CES3: variants seen among roughly 807,000 people sequenced by gnomAD.
CES3 encodes the protein carboxylesterase 3 (brain).
In CES3, 49 loss-of-function variants were observed where a neutral mutation model predicts 57.6. That is an observed-to-expected ratio of 0.85 (90% CI 0.68 to 1.08). The LOEUF is 1.08. CES3 is among the 50% of genes least tolerant of loss of function. The pLI, the probability that CES3 is intolerant of heterozygous loss-of-function variation, is 0.00. For synonymous variants in CES3, 266 were observed against 281.6 expected, an observed-to-expected ratio of 0.94 and a Z score of 0.55; for missense variants, 645 against 742.0, an observed-to-expected ratio of 0.87 and a Z score of 1.52.
rs61742964 is a variant in CES3, at chr16:66,964,367, G to C, written c.571G>C (p.Glu191Gln). Residue 191 changes from glutamate to glutamine, a missense_variant, in exon 5 of 13, where the codon GAG (glutamate) becomes CAG (glutamine). Glu to Gln is a conservative substitution (Grantham distance 29). Transcript: ENST00000303334. ...CAACACTGCCCCCAGCACTGGAGAT[G>C]AGCATGCACCTGGCAACCAGGGCTT... ...GVLGFFSTGDEHAPGNQGFLD... is the reference protein window; with the variant it reads ...GVLGFFSTGDQHAPGNQGFLD... 7.4e-6 allele frequency: 12 copies of C among 1,613,722 alleles called. No individual in the cohort carries two copies. Among genetic ancestry groups the C allele is most frequent in the Non-Finnish European group, 1.0e-5 (12 of 1,179,998 alleles).
rs780889689 is a variant in CES3, at chr16:66,972,344, C to G, written c.1292-12C>G. 2 of 1,578,548 alleles carry G rather than the reference C, an allele frequency of 1.3e-6. No individual in the cohort carries two copies. Among genetic ancestry groups the G allele is most frequent in the Admixed American group, 3.6e-5 (2 of 54,848 alleles). On this transcript the variant is annotated splice_polypyrimidine_tract_variant and intron_variant, in intron 10 of 12. Transcript: ENST00000303334. ...ATGAGTGCCTAACTCCCATCCCATC[C>G]TTTCTCTGTAGATTCTGGAAGCCCT...
In CES3 at chr16:66,963,840, CGCT is replaced by C; in HGVS notation, c.468_470del (p.Ala157del). 1 of 1,614,156 alleles carries C rather than the reference CGCT, an allele frequency of 6.2e-7. No individual in the cohort carries two copies. Among genetic ancestry groups the C allele is most frequent in the Non-Finnish European group, 8.5e-7 (1 of 1,179,984 alleles). Reference sequence around the variant, plus strand: ...TCCATGGAGGCGCTCTGATAACTGGCGCTGCCACCTCCTACGATGGATCAGCTC... The same window carrying C: ...TCCATGGAGGCGCTCTGATAACTGGCGCCACCTCCTACGATGGATCAGCTC... On this transcript the variant is annotated inframe_deletion, in exon 4 of 13. Transcript: ENST00000303334. The surrounding 1 kb of genome is among the most constrained non-coding windows in gnomAD (Gnocchi z 4.9).
chr16:66,971,364 C>CAT (rs772720657), intron 10 of CES3, 45 bp downstream of exon 10: 77 of 1,590,036 alleles, frequency 4.8e-5, no homozygotes, highest in Non-Finnish European at 6.2e-5. Flanking sequence ...CCACTTGGGC[C>CAT]CAGGAGCTGG....
intron 11 of CES3, 54 bp downstream of exon 11, chr16:66,972,559 C>A (rs1246261892): frequency 1.2e-6 from 2 of 1,605,678 alleles, no homozygotes; most frequent in Non-Finnish European, 1.7e-6. Flanking sequence ...TCCAAGGGGC[C>A]TGGGCAGGGC....
intron 8 of CES3, chr16:66,967,901 T>C (rs1306488572): frequency 3.1e-6 from 1 of 320,996 alleles, no homozygotes; most frequent in African/African-American, 2.3e-5. Flanking sequence ...GGGCCTCAGG[T>C]CTGTGCCACC....
chr16:66,966,981 G>A (rs930655045), intron 8 of CES3, 116 bp downstream of exon 8: 2 of 1,279,198 alleles, frequency 1.6e-6, no homozygotes, highest in African/African-American at 1.5e-5. Flanking sequence ...CATTTGATAA[G>A]TGAGAAAGCA....
chr16:66,962,937 G>A (rs768343686), intron 1 of CES3: 213 of 684,332 alleles, frequency 3.1e-4, no homozygotes, highest in East Asian at 7.2e-4. Flanking sequence ...CAAGTGGCTG[G>A]CCCCAAGGCA....
intron 8 of CES3, among the ~76,000 whole-genome samples, chr16:66,967,296 C>T (rs1963748233): frequency 2.0e-5 from 3 of 152,206 alleles, no homozygotes; most frequent in Non-Finnish European, 4.4e-5. Context: ...TCAAGTAATC[C>T]ATCTGCTTTG....
chr16:66,961,927 T>C (rs1963656544), intron 1 of CES3, among the ~76,000 whole-genome samples: 1 of 152,118 alleles, frequency 6.6e-6, no homozygotes. Flanking sequence ...CAAGCAGATA[T>C]GCAAATGACT....
intron 9 of CES3, among the ~76,000 whole-genome samples, chr16:66,970,281 G>A (rs1963810819): frequency 6.6e-6 from 1 of 151,938 alleles, no homozygotes; most frequent in South Asian, 2.1e-4. Context: ...GCTAATTTTT[G>A]TGTTTTAGTA....
chr16:66,970,147 C>T (rs1210116153), intron 9 of CES3, among the ~76,000 whole-genome samples: 13 of 142,934 alleles, frequency 9.1e-5, no homozygotes, highest in East Asian at 2.0e-4. Flanking sequence ...CTTGCTCTGT[C>T]GCCAAGGCTG....
At chr16:66,969,852 C>A in intron 9 of CES3, 93 bp downstream of exon 9, 1 of 1,132,786 alleles carries the variant, frequency 8.8e-7, no homozygotes, top group South Asian at 1.4e-5. Flanking sequence ...CCCTACCTTC[C>A]GACACCCACA....
rs763361117 is a variant in CES3 at position 66,963,374 on chromosome 16, C to A, written c.278C>A (p.Ala93Glu). ...GAGGGTGTGCGGGATGCCAGCACTG[C>A]GCCCCCAATGTGAGTAGTGCTGGTG... The part of the protein sequence containing the change: ...PWEGVRDAST[A>E]PPMCLQDVES... The change falls in exon 2 of 13, where the codon GCG becomes GAG. Residue 93 changes from alanine (A) to glutamate (E), a missense_variant. Transcript: ENST00000303334. This position sits in a 1 kb window ranked among gnomAD's most constrained non-coding sequence, Gnocchi z 4.9. 21 of 1,612,830 alleles carry A rather than the reference C, an allele frequency of 1.3e-5. No individual in the cohort carries two copies. The South Asian group carries it at 2.0e-4, about 15-fold the overall frequency.
chr16:66,974,667 C>A lies in CES3; in HGVS notation c.*1618C>A, dbSNP rs373637931. The stretch of plus-strand genomic sequence containing the variant: ...CCACCTGCTGCCCCAGTGCTGGATC[C>A]ACTGGGTGAAGCCAGCTGGGCTCCT... On this transcript the variant is annotated 3_prime_UTR_variant, in exon 13 of 13. Coordinates refer to ENST00000303334, the MANE Select transcript of CES3 (RefSeq NM_024922.6). 6.5e-6 allele frequency: 1 copy of A among 153,902 alleles called. No individual in the cohort carries two copies. The highest frequency in any genetic ancestry group is 1.9e-4 in the East Asian group (1 of 5,236). The allele number at this position is 153,902 out of a possible 1,614,324, so 9.5% of individuals were successfully genotyped here. A position where few individuals can be genotyped will look rare whatever the true frequency, so the allele number is the denominator to read the frequency against.
rs1035511592 is a variant in CES3, at chr16:66,972,745, G to A, written c.1519G>A (p.Gly507Arg). 1 of 1,614,238 alleles carries A rather than the reference G, an allele frequency of 6.2e-7. No homozygotes were observed. The highest frequency in any genetic ancestry group is 8.5e-7 in the Non-Finnish European group (1 of 1,180,044). ...MAQWTHFARTGDPNSKALPPW... is the reference protein window; with the variant it reads ...MAQWTHFARTRDPNSKALPPW... The stretch of plus-strand genomic sequence containing the variant: ...CCAGTGGACCCACTTTGCCCGGACA[G>A]GGTGAGTGAGTGACAGGGCATAGCT... The change falls in exon 12 of 13, where the codon GGG becomes AGG. Residue 507 changes from glycine to arginine, a missense_variant and splice_region_variant. Gly to Arg is a moderately radical substitution (Grantham distance 125). Transcript: ENST00000303334.
In CES3 at chr16:66,969,691, C is replaced by T; in HGVS notation, c.1075C>T (p.Leu359=). ...SWLIPRGWGL[L]DTMEQMSRED... ...GGTGTCCACACAGGGCTGGGGTCTC[C>T]TGGATACAATGGAGCAGATGAGCCG... Residue 359 remains leucine, a synonymous_variant, in exon 9 of 13, where the codon CTG becomes TTG. Coordinates refer to ENST00000303334, the MANE Select transcript of CES3 (RefSeq NM_024922.6). The T allele has an allele frequency of 6.2e-7, 1 of 1,613,310 alleles. No homozygotes were observed. Among genetic ancestry groups the T allele is most frequent in the Non-Finnish European group, 8.5e-7 (1 of 1,179,700 alleles).
Position 66,963,697 on chromosome 16 carries a change from CCT to C in CES3, c.426+69_426+70del, listed in dbSNP as rs1567555459. 6 of 1,612,960 alleles carry C rather than the reference CCT, an allele frequency of 3.7e-6. No individual in the cohort carries two copies. The highest frequency in any genetic ancestry group is 3.3e-4 in the Middle Eastern group (2 of 6,080). On this transcript the variant is annotated intron_variant, in intron 3 of 12. Coordinates refer to ENST00000303334, the MANE Select transcript of CES3 (RefSeq NM_024922.6). The surrounding 1 kb of genome is among the most constrained non-coding windows in gnomAD (Gnocchi z 4.9). ...TATGCCTACCTGTCCCCTCCCCGTCCCTGTTTCCAAAGCACCCTAGCGGTCCT... is the reference window on the plus strand; with the variant it reads ...TATGCCTACCTGTCCCCTCCCCGTCCGTTTCCAAAGCACCCTAGCGGTCCT...
chr16:66,974,842 C>T lies in CES3; in HGVS notation c.*1793C>T, dbSNP rs1273934339. On this transcript the variant is annotated 3_prime_UTR_variant, in exon 13 of 13. Transcript: ENST00000303334. ...GTTTGTGAATGCACCAATCCACACT[C>T]TGTATCTGGCTACTCTGGTGGGGAC... 6.6e-6 allele frequency: 1 copy of T among 152,336 alleles called. No individual in the cohort carries two copies. The highest frequency in any genetic ancestry group is 2.4e-5 in the African/African-American group (1 of 41,460). The allele number at this position is 152,336 out of a possible 1,614,324, so 9.4% of individuals were successfully genotyped here.
intron 6 of CES3, among the ~76,000 whole-genome samples, chr16:66,965,498 G>A (rs1963716956): frequency 1.3e-5 from 2 of 152,314 alleles, no homozygotes; most frequent in African/African-American, 4.8e-5. Context: ...TGGTGGCCAA[G>A]GCAGTGTGGG....
Sources: allele counts gnomAD v4.1 joint callset (sites outside exome capture counted in the v4.1 genomes callset), GRCh38; gene constraint gnomAD v4.1.1; non-coding constraint Gnocchi (gnomAD v3.1); transcripts MANE v1.5; gene names NCBI Gene and HGNC (gene_info 2026-07-23, HGNC 2026-07-21).